PIP5K1A: variants seen among roughly 807,000 people sequenced by gnomAD.
The protein encoded by PIP5K1A is phosphatidylinositol-4-phosphate 5-kinase type 1 alpha.
Under a neutral mutation model 72.9 loss-of-function variants are expected in PIP5K1A, and 46 were observed. The observed-to-expected ratio is 0.63, with a 90% CI of 0.50 to 0.81. The LOEUF (loss-of-function observed/expected upper bound fraction) is 0.81, where lower values mean the gene tolerates loss of function less well. Among genes scored for constraint, PIP5K1A ranks in the 30% least tolerant of loss-of-function variants. The pLI, the probability that PIP5K1A is intolerant of heterozygous loss-of-function variation, is 0.00. For synonymous variants in PIP5K1A, 228 were observed against 255.1 expected (o/e 0.89, Z 1.01); for missense variants, 458 against 706.1 (o/e 0.65, Z 3.98).
intron 1 of PIP5K1A, among the ~76,000 whole-genome samples, chr1:151,222,127 T>A (rs1688477806): frequency 6.6e-6 from 1 of 152,186 alleles, no homozygotes; most frequent in Admixed American, 6.6e-5. Context: ...CTTTTTTTGA[T>A]ATAGATACGA....
At chr1:151,234,839 C>T (rs1690629803) in intron 8 of PIP5K1A, among the ~76,000 whole-genome samples, 1 of 152,204 alleles carries the variant, frequency 6.6e-6, no homozygotes, top group Non-Finnish European at 1.5e-5. Context: ...GAATATTACA[C>T]AACCGTGTAT....
chr1:151,206,171 T>A (rs1685898913), intron 1 of PIP5K1A, among the ~76,000 whole-genome samples: 1 of 152,218 alleles, frequency 6.6e-6, no homozygotes, highest in South Asian at 2.1e-4. Context: ...AACCCCTCCA[T>A]CTTTTTAAAC....
chr1:151,241,472 C>T (rs1691689080), intron 12 of PIP5K1A, among the ~76,000 whole-genome samples: 1 of 151,474 alleles, frequency 6.6e-6, no homozygotes, highest in Admixed American at 6.6e-5. Context: ...CCACTGCACT[C>T]CAGCCTGGGC....
chr1:151,225,533 G>A (rs1274042521), intron 3 of PIP5K1A, among the ~76,000 whole-genome samples: 7 of 150,072 alleles, frequency 4.7e-5, no homozygotes, highest in Admixed American at 2.0e-4. Context: ...ACAGTGGCTC[G>A]ATCTTGGCTC....
In PIP5K1A at chr1:151,208,890, G is replaced by A. The variant is rs376831676; in HGVS notation, c.85+9809G>A. ...TGGGACTACAGGCGCCTGCTACCAC[G>A]CCCGGCTAACTTTTTGTATTTTTTT... On this transcript the variant is annotated intron_variant, in intron 1 of 15. Coordinates refer to ENST00000368888, the MANE Select transcript of PIP5K1A (RefSeq NM_001135638.2). 7.3e-5 allele frequency among the ~76,000 whole-genome samples: 11 copies of A among 151,312 alleles called. No homozygotes were observed. In the East Asian group the frequency reaches 7.8e-4, roughly 11 times the overall value.
intron 8 of PIP5K1A, among the ~76,000 whole-genome samples, chr1:151,234,851 C>T (rs1297462415): frequency 1.3e-5 from 2 of 152,190 alleles, no homozygotes; most frequent in African/African-American, 2.4e-5. Flanking sequence ...ACCGTGTATA[C>T]TGGCATCTAC....
At chr1:151,199,966 C>T (rs939568906) in intron 1 of PIP5K1A, among the ~76,000 whole-genome samples, 1 of 152,064 alleles carries the variant, frequency 6.6e-6, no homozygotes, top group Admixed American at 6.6e-5. Context: ...GGCACACAGA[C>T]ACACATACAT....
intron 3 of PIP5K1A, among the ~76,000 whole-genome samples, chr1:151,224,841 G>A (rs1688877076): frequency 6.6e-6 from 1 of 152,088 alleles, no homozygotes; most frequent in Non-Finnish European, 1.5e-5. Flanking sequence ...TCTTCCCATG[G>A]TGTATTTCCT....
At chr1:151,237,760 G>C (rs1215201189) in intron 9 of PIP5K1A, among the ~76,000 whole-genome samples, 1 of 152,146 alleles carries the variant, frequency 6.6e-6, no homozygotes, top group Non-Finnish European at 1.5e-5. Flanking sequence ...ATCTTAGATT[G>C]TTTCATTTTT....
chr1:151,247,988 A>G lies in PIP5K1A; in HGVS notation c.*123A>G, dbSNP rs1325489319. ...GTCATCAAAAAAGGAGTGTAATAGA[A>G]GTGAGGGGAGCTGCTCCTCCATCTT... On this transcript the variant is annotated 3_prime_UTR_variant, in exon 16 of 16. Transcript: ENST00000368888. 1.2e-6 allele frequency: 1 copy of G among 834,822 alleles called. No individual in the cohort carries two copies. Among genetic ancestry groups the G allele is most frequent in the Admixed American group, 1.9e-5 (1 of 53,832 alleles). The allele number at this position is 834,822 out of a possible 1,614,324, so 51.7% of individuals were successfully genotyped here.
intron 1 of PIP5K1A, among the ~76,000 whole-genome samples, chr1:151,202,929 C>G (rs113258133): frequency 0.018 from 2,813 of 152,100 alleles, 57 homozygotes; most frequent in South Asian, 0.066. Flanking sequence ...CCTGCCACGT[C>G]TGGCTAATTT....
At chr1:151,240,376 G>T (rs181749297) in intron 12 of PIP5K1A, 2 of 282,030 alleles carry the variant, frequency 7.1e-6, no homozygotes, top group East Asian at 2.5e-4. Flanking sequence ...ACAGAGATAC[G>T]CAGTGAGGTT....
intron 15 of PIP5K1A, 44 bp from the exon 16 acceptor site, chr1:151,247,819 A>T (rs1173461010): frequency 3.9e-6 from 6 of 1,525,718 alleles, no homozygotes; most frequent in African/African-American, 1.4e-5. Flanking sequence ...ATTTCTGCTT[A>T]ATCTCATACT....
intron 1 of PIP5K1A, among the ~76,000 whole-genome samples, chr1:151,207,630 C>G (rs890661085): frequency 3.3e-5 from 5 of 149,770 alleles, no homozygotes; most frequent in Non-Finnish European, 7.4e-5. Context: ...CTTCCAGGTT[C>G]AAGTGATTCT....
chr1:151,221,549 G>A (rs143826760), intron 1 of PIP5K1A, among the ~76,000 whole-genome samples: 85 of 152,212 alleles, frequency 5.6e-4, no homozygotes, highest in African/African-American at 2.0e-3. Context: ...CCTTAGATTG[G>A]GAAATGCAGG....
At chr1:151,223,001 G>T (rs1025822647) in intron 1 of PIP5K1A, among the ~76,000 whole-genome samples, 1 of 151,624 alleles carries the variant, frequency 6.6e-6, no homozygotes, top group Admixed American at 6.6e-5. Flanking sequence ...GGATCACGAG[G>T]TCAGGAGTTA....
intron 3 of PIP5K1A, 31 bp downstream of exon 3, chr1:151,224,437 AT>A (rs771343685): frequency 2.6e-5 from 38 of 1,436,396 alleles, no homozygotes; most frequent in Non-Finnish European, 3.5e-5. Context: ...CTCATCTTTT[AT>A]TGTAGTTTAT....
intron 1 of PIP5K1A, among the ~76,000 whole-genome samples, chr1:151,203,951 A>C (rs1379490293): frequency 6.6e-6 from 1 of 152,188 alleles, no homozygotes; most frequent in African/African-American, 2.4e-5. Flanking sequence ...TATCATGTGC[A>C]CAAATGATTT....
chr1:151,198,571 CG>C lies in PIP5K1A; in HGVS notation c.-424del, dbSNP rs1236113932. On this transcript the variant is annotated 5_prime_UTR_variant, in exon 1 of 16. Transcript: ENST00000368888. The stretch of plus-strand genomic sequence containing the variant: ...TGCTCGGATTTTTTGCTTGGCTACC[CG>C]GAGTGAAGCGGCCGGGTTGGGCGAT... 1 of 198,490 alleles carries C rather than the reference CG, an allele frequency of 5.0e-6. No individual in the cohort carries two copies. Among genetic ancestry groups the C allele is most frequent in the African/African-American group, 2.3e-5 (1 of 42,582 alleles). The allele number at this position is 198,490 out of a possible 1,614,324, so 12.3% of individuals were successfully genotyped here. A position where few individuals can be genotyped will look rare whatever the true frequency, so the allele number is the denominator to read the frequency against.
Sources: allele counts gnomAD v4.1 joint callset (sites outside exome capture counted in the v4.1 genomes callset), GRCh38; gene constraint gnomAD v4.1.1; transcripts MANE v1.5; gene names NCBI Gene and HGNC (gene_info 2026-07-23, HGNC 2026-07-21).